The following PARD3 variants were observed in gnomAD, a reference collection of about 807,000 sequenced individuals.
The protein encoded by PARD3 is par-3 family cell polarity regulator, also known as partitioning defective 3 homolog.
PARD3 carries 75 observed loss-of-function variants against 155.4 expected under a neutral mutation model. That is an observed-to-expected ratio of 0.48 (90% confidence interval 0.40 to 0.58). The LOEUF (loss-of-function observed/expected upper bound fraction) is 0.58. Ranked by LOEUF, PARD3 falls within the 20% of genes least tolerant of loss-of-function variation. The pLI is 0.00. For missense variants in PARD3, 1,642 were observed against 1,721.7 expected, an observed-to-expected ratio of 0.95 and a Z score of 0.82; for synonymous variants, 576 against 610.5, an observed-to-expected ratio of 0.94 and a Z score of 0.83.
intron 22 of PARD3, among the ~76,000 whole-genome samples, chr10:34,171,950 C>CAAAAAAAAAAAAAAAAA (rs71033303): frequency 2.1e-5 from 1 of 47,248 alleles, no homozygotes; most frequent in African/African-American, 9.7e-5. Context: ...GACTCCATCT[C>CAAAAAAAAAAAAAAAAA]AAAAAAAAAA....
intron 22 of PARD3, among the ~76,000 whole-genome samples, chr10:34,252,134 C>A (rs1421388954): frequency 6.6e-6 from 1 of 152,100 alleles, no homozygotes; most frequent in African/African-American, 2.4e-5. Context: ...GAGGGGAGAG[C>A]TGCACTTTTA....
chr10:34,719,624 C>T (rs556045959), intron 1 of PARD3, among the ~76,000 whole-genome samples: 103 of 152,152 alleles, frequency 6.8e-4, no homozygotes, highest in Non-Finnish European at 1.2e-3. Context: ...TAGACCTGCT[C>T]GATATCATAC....
chr10:34,429,212 T>C (rs2075774043), intron 5 of PARD3, among the ~76,000 whole-genome samples: 1 of 152,110 alleles, frequency 6.6e-6, no homozygotes, highest in Non-Finnish European at 1.5e-5. Flanking sequence ...AATTTTTATA[T>C]CCCATGTATG....
intron 2 of PARD3, among the ~76,000 whole-genome samples, chr10:34,654,597 C>T (rs2093113667): frequency 6.6e-6 from 1 of 152,224 alleles, no homozygotes; most frequent in Admixed American, 6.5e-5. Flanking sequence ...AGTTATATCA[C>T]ATTGAACACA....
At chr10:34,241,230 C>G (rs1443614554) in intron 22 of PARD3, among the ~76,000 whole-genome samples, 1 of 152,126 alleles carries the variant, frequency 6.6e-6, no homozygotes, top group African/African-American at 2.4e-5. Context: ...CTGAGCTGAG[C>G]CTGGATAACA....
At chr10:34,704,608 A>G (rs953956284) in intron 1 of PARD3, among the ~76,000 whole-genome samples, 4 of 152,232 alleles carry the variant, frequency 2.6e-5, no homozygotes, top group African/African-American at 4.8e-5. Flanking sequence ...AGCAATTTAC[A>G]TAAAAATATT....
intron 2 of PARD3, among the ~76,000 whole-genome samples, chr10:34,533,637 T>C (rs912757982): frequency 1.3e-5 from 2 of 151,800 alleles, no homozygotes; most frequent in Non-Finnish European, 2.9e-5. Context: ...TGAAACCCCA[T>C]CTCTACTAAA....
intron 22 of PARD3, among the ~76,000 whole-genome samples, chr10:34,229,257 C>T (rs1319514115): frequency 6.6e-6 from 1 of 152,070 alleles, no homozygotes; most frequent in Non-Finnish European, 1.5e-5. Context: ...CTTGCTCTGT[C>T]ACCCAGGCTG....
chr10:34,632,786 A>G (rs2092322047), intron 2 of PARD3, among the ~76,000 whole-genome samples: 1 of 152,238 alleles, frequency 6.6e-6, no homozygotes, highest in Non-Finnish European at 1.5e-5. Flanking sequence ...TCATCAAAGC[A>G]TCTGTAACAC....
chr10:34,655,242 C>T (rs993957486), intron 2 of PARD3, among the ~76,000 whole-genome samples: 9 of 151,900 alleles, frequency 5.9e-5, no homozygotes, highest in African/African-American at 1.5e-4. Context: ...AAGTGGAGTT[C>T]GAATTGTATG....
chr10:34,368,362 C>T (rs145589691), intron 12 of PARD3, among the ~76,000 whole-genome samples: 2 of 152,194 alleles, frequency 1.3e-5, no homozygotes, highest in East Asian at 1.9e-4. Context: ...AGTTGGCGTC[C>T]GTATGGACAG....
At chr10:34,681,760 ATATATATATTTTTTTTT>A (rs2093840020) in intron 2 of PARD3, among the ~76,000 whole-genome samples, 2 of 21,550 alleles carry the variant, frequency 9.3e-5, no homozygotes, top group African/African-American at 2.5e-4. Flanking sequence ...ATATATATAT[ATATATATATTTTTTTTT>A]TTTTTTTTTT....
At chr10:34,553,152 T>C (rs2084723538) in intron 2 of PARD3, among the ~76,000 whole-genome samples, 3 of 152,124 alleles carry the variant, frequency 2.0e-5, no homozygotes, top group South Asian at 2.1e-4. Context: ...GCCTGGGAAA[T>C]AGTCTCCTCC....
chr10:34,413,007 C>G (rs539163974), intron 5 of PARD3, among the ~76,000 whole-genome samples: 1 of 152,168 alleles, frequency 6.6e-6, no homozygotes, highest in Admixed American at 6.5e-5. Flanking sequence ...GAAACGTTTA[C>G]TCTTAAAATG....
intron 2 of PARD3, among the ~76,000 whole-genome samples, chr10:34,567,090 C>A (rs555424730): frequency 6.6e-6 from 1 of 152,198 alleles, no homozygotes; most frequent in Admixed American, 6.5e-5. Context: ...ACAGGAAATG[C>A]ACTTTATAGC....
chr10:34,306,144 T>C (rs1957397515), intron 20 of PARD3, among the ~76,000 whole-genome samples: 1 of 150,486 alleles, frequency 6.6e-6, no homozygotes, highest in African/African-American at 2.5e-5. Flanking sequence ...ATTAGGTGGG[T>C]GTGGTGGCTC....
At chr10:34,716,951 G>A (rs918654728) in intron 1 of PARD3, among the ~76,000 whole-genome samples, 6 of 151,982 alleles carry the variant, frequency 3.9e-5, no homozygotes, top group African/African-American at 1.5e-4. Flanking sequence ...AATAATATCA[G>A]ATTTTTTTTT....
chr10:34,613,270 C>T (rs757330651), intron 2 of PARD3, among the ~76,000 whole-genome samples: 19 of 152,292 alleles, frequency 1.2e-4, no homozygotes, highest in Admixed American at 2.6e-4. Flanking sequence ...CCTGTGTGCA[C>T]ATACACACAC....
intron 3 of PARD3, among the ~76,000 whole-genome samples, chr10:34,491,894 G>T (rs1312691629): frequency 3.9e-5 from 6 of 152,090 alleles, no homozygotes; most frequent in Non-Finnish European, 8.8e-5. Flanking sequence ...AGCACAGATA[G>T]AACCACTGGG....
Sources: allele counts gnomAD v4.1 joint callset (sites outside exome capture counted in the v4.1 genomes callset), GRCh38; gene constraint gnomAD v4.1.1; transcripts MANE v1.5; gene names NCBI Gene and HGNC (gene_info 2026-07-23, HGNC 2026-07-21).